The following FAM83A variants were observed in gnomAD, a reference collection of about 807,000 sequenced individuals.
FAM83A encodes the protein protein FAM83A.
FAM83A carries 21 observed loss-of-function variants against 24.4 expected under a neutral mutation model. That is an observed-to-expected ratio of 0.86 (90% confidence interval 0.61 to 1.24). FAM83A has a LOEUF of 1.24. Among genes scored for constraint, FAM83A ranks in the 50% most tolerant of loss-of-function variants. The pLI is 0.00. For missense variants in FAM83A, 617 were observed against 579.8 expected (o/e 1.06, Z -0.66); for synonymous variants, 270 against 252.4 (o/e 1.07, Z -0.66).
intron 3 of FAM83A, among the ~76,000 whole-genome samples, chr8:123,196,761 A>G (rs1260372551): frequency 1.3e-5 from 2 of 152,216 alleles, no homozygotes; most frequent in Non-Finnish European, 2.9e-5. Context: ...TAAAGGCAGA[A>G]GGGAGGGGGT....
At chr8:123,198,313 A>C (rs528937098) in intron 3 of FAM83A, among the ~76,000 whole-genome samples, 62 of 152,288 alleles carry the variant, frequency 4.1e-4, no homozygotes, top group Non-Finnish European at 7.1e-4. Flanking sequence ...TGCATTGCAC[A>C]CGACCATGGG....
intron 3 of FAM83A, among the ~76,000 whole-genome samples, chr8:123,196,320 G>A: frequency 6.6e-6 from 1 of 152,160 alleles, no homozygotes; most frequent in East Asian, 1.9e-4. Context: ...CCTCATTAAA[G>A]TTTTTAAAAG....
chr8:123,183,407 G>T (rs1028909122), intron 1 of FAM83A, 71 bp downstream of exon 1: 4 of 1,540,332 alleles, frequency 2.6e-6, no homozygotes, highest in African/African-American at 1.4e-5. Flanking sequence ...GAGCAGGGAG[G>T]GGGGTGCATT....
chr8:123,184,481 T>C (rs772238773), intron 1 of FAM83A, among the ~76,000 whole-genome samples: 7 of 152,040 alleles, frequency 4.6e-5, no homozygotes, highest in Non-Finnish European at 7.4e-5. Flanking sequence ...ATTCACACTT[T>C]GATAAGTATC....
Position 123,209,456 on chromosome 8 carries a change from C to G in FAM83A, c.*1768C>G, listed in dbSNP as rs377197124. ...GAAAGTAAACAAAACAAAACAAAAA[C>G]AAAAAAACAAACAACACTTTGGTTC... is the stretch of plus-strand genomic sequence containing the variant. On this transcript the variant is annotated 3_prime_UTR_variant, in exon 4 of 4. Coordinates refer to ENST00000690554, the Ensembl canonical transcript of FAM83A. This position sits in a 1 kb window ranked among gnomAD's most constrained non-coding sequence, Gnocchi z 4.7. 6.8e-6 allele frequency: 11 copies of G among 1,613,842 alleles called. No homozygotes were observed. Among genetic ancestry groups the G allele is most frequent in the Non-Finnish European group, 9.3e-6 (11 of 1,179,992 alleles).
chr8:123,203,715 T>C (rs538245480), intron 3 of FAM83A, among the ~76,000 whole-genome samples: 1 of 151,786 alleles, frequency 6.6e-6, no homozygotes, highest in African/African-American at 2.4e-5. Context: ...AGATTAGTGC[T>C]GAGACTCACA....
At position 123,182,980 on chromosome 8, in the gene FAM83A, C is replaced by T. The variant is rs778118067; in HGVS notation, c.124C>T (p.Leu42Phe). Residue 42 changes from leucine to phenylalanine, a missense_variant, in exon 1 of 4, where the codon CTC becomes TTC. Coordinates refer to ENST00000690554, the Ensembl canonical transcript of FAM83A. ...GAGTGCCCGGCTGGCCACGGACGCC[C>T]TCTTGGATGGGGGTTCTGAAGCCTA... 5.6e-6 allele frequency: 9 copies of T among 1,611,740 alleles called. 1 individual carries two copies. The South Asian group carries it at 8.8e-5, about 16-fold the overall frequency.
At chr8:123,182,329 G>T, upstream of FAM83A, 1 of 355,394 alleles carries the variant, frequency 2.8e-6, no homozygotes, top group Non-Finnish European at 5.6e-6. Context: ...GCATCTCAGG[G>T]ATGGCATCTT....
At chr8:123,191,670 C>A in intron 1 of FAM83A, 133 bp from the exon 2 acceptor site, 1 of 906,208 alleles carries the variant, frequency 1.1e-6, no homozygotes, top group Non-Finnish European at 1.7e-6. Context: ...CAGACCCACT[C>A]TACCCCATCC....
In FAM83A at chr8:123,207,468, A is replaced by AC. The variant is rs1563790931; in HGVS notation, c.1088dup (p.Pro364AlafsTer183). ...GGGCCCTGTAGCCCCGCGGCCCCAC[A>AC]CCCGCCTCCACCGCCCCGGTTCCAG... On this transcript the variant is annotated frameshift_variant, in exon 4 of 4. Transcript: ENST00000690554. LOFTEE classifies it low-confidence loss of function (END_TRUNC). 4 of 1,562,070 alleles carry AC rather than the reference A, an allele frequency of 2.6e-6. No homozygotes were observed. In the Admixed American group the frequency reaches 7.2e-5, roughly 28 times the overall value.
At chr8:123,190,942 T>C (rs1823953028) in intron 1 of FAM83A, among the ~76,000 whole-genome samples, 1 of 152,156 alleles carries the variant, frequency 6.6e-6, no homozygotes, top group East Asian at 1.9e-4. Flanking sequence ...CCAGCTAAAG[T>C]CCTGGGCTGA....
chr8:123,186,567 C>A (rs752597306), intron 1 of FAM83A, among the ~76,000 whole-genome samples: 25 of 152,232 alleles, frequency 1.6e-4, no homozygotes, highest in Admixed American at 6.5e-4. Flanking sequence ...CGGTGGCTCT[C>A]ACCTGTAATC....
chr8:123,182,830 C>T (rs1823643270), exon 1 of FAM83A: 2 of 1,517,164 alleles, frequency 1.3e-6, no homozygotes, highest in African/African-American at 1.4e-5. Flanking sequence ...TGCCAGCCTC[C>T]CCCAGCACCA....
At chr8:123,193,668 T>A (rs1286917512) in intron 2 of FAM83A, among the ~76,000 whole-genome samples, 2 of 152,160 alleles carry the variant, frequency 1.3e-5, no homozygotes, top group Non-Finnish European at 2.9e-5. Context: ...CAACAGAAAT[T>A]TATTCCTCAT....
upstream of FAM83A, chr8:123,180,241 A>T (rs774134947): frequency 3.7e-4 from 57 of 152,122 alleles, no homozygotes; most frequent in African/African-American, 1.4e-3. Context: ...TAGGCTCAAG[A>T]CTTGGTACTT....
upstream of FAM83A, chr8:123,179,385 C>T (rs1823541930): frequency 6.6e-6 from 1 of 152,210 alleles, no homozygotes; most frequent in Admixed American, 6.5e-5. Context: ...ATGCACAGTG[C>T]AGAAGGTCTT....
intron 3 of FAM83A, among the ~76,000 whole-genome samples, chr8:123,195,817 T>C (rs1269358979): frequency 1.3e-5 from 2 of 152,100 alleles, no homozygotes; most frequent in African/African-American, 4.8e-5. Context: ...TTCCTGAAGG[T>C]TCTACCTTCA....
At chr8:123,191,873 A>G (rs1823989264) in exon 2 of FAM83A, 1 of 1,614,014 alleles carries the variant, frequency 6.2e-7, no homozygotes, top group African/African-American at 1.3e-5. Context: ...GCAGCCAACA[A>G]GCGTGGGGTG....
chr8:123,192,436 C>T (rs1420599863), intron 2 of FAM83A, among the ~76,000 whole-genome samples: 1 of 152,140 alleles, frequency 6.6e-6, no homozygotes, highest in African/African-American at 2.4e-5. Context: ...TTCAGAACTC[C>T]CTGGTCCCAA....
Sources: allele counts gnomAD v4.1 joint callset (sites outside exome capture counted in the v4.1 genomes callset), GRCh38; gene constraint gnomAD v4.1.1; non-coding constraint Gnocchi (gnomAD v3.1); transcripts MANE v1.5; gene names NCBI Gene and HGNC (gene_info 2026-07-23, HGNC 2026-07-21).